Variants in POU2AF2 observed in about 807,000 individuals in gnomAD.
POU2AF2 encodes the protein POU class 2 homeobox associating factor 2, also known as POU domain class 2-associating factor 2.
chr11:111,271,238 G>A, the POU2AF2 span, among the ~76,000 whole-genome samples: 381 of 151,806 alleles, frequency 2.5e-3, 3 homozygotes, highest in African/African-American at 8.7e-3. Flanking sequence ...CAGGAGAATC[G>A]CTTGAACCCA....
At chr11:111,264,574 A>AG in the POU2AF2 span, among the ~76,000 whole-genome samples, 126 of 24,548 alleles carry the variant, frequency 5.1e-3, 20 homozygotes, top group African/African-American at 0.024. Flanking sequence ...GAAAGAAAGA[A>AG]AGGGAGAGAG....
the POU2AF2 span, among the ~76,000 whole-genome samples, chr11:111,247,595 G>C: frequency 6.6e-6 from 1 of 152,064 alleles, no homozygotes; most frequent in South Asian, 2.1e-4. Context: ...AAACCATCCT[G>C]GCCAACATGG....
chr11:111,276,322 G>A, the POU2AF2 span, among the ~76,000 whole-genome samples: 1 of 151,202 alleles, frequency 6.6e-6, no homozygotes, highest in African/African-American at 2.4e-5. Context: ...TACTGGCCGG[G>A]CGCGGTGGCT....
chr11:111,261,237 G>A, the POU2AF2 span, among the ~76,000 whole-genome samples: 10 of 147,564 alleles, frequency 6.8e-5, no homozygotes, highest in South Asian at 2.2e-4. Flanking sequence ...AATGTGAGCC[G>A]TTCACCACCA....
At chr11:111,266,350 C>G in the POU2AF2 span, among the ~76,000 whole-genome samples, 1 of 152,146 alleles carries the variant, frequency 6.6e-6, no homozygotes, top group Non-Finnish European at 1.5e-5. Context: ...CAGAACGTGT[C>G]CCACCCACTG....
the POU2AF2 span, among the ~76,000 whole-genome samples, chr11:111,271,462 C>A: frequency 6.6e-6 from 1 of 152,020 alleles, no homozygotes; most frequent in Non-Finnish European, 1.5e-5. Context: ...CACTCTGTTA[C>A]CCAGGCTGGA....
the POU2AF2 span, chr11:111,285,519 C>A: frequency 1.2e-6 from 1 of 845,764 alleles, no homozygotes. Flanking sequence ...GAGAGAAGAG[C>A]AGCCTGAGAG....
At chr11:111,275,265 A>C in the POU2AF2 span, among the ~76,000 whole-genome samples, 2 of 152,224 alleles carry the variant, frequency 1.3e-5, no homozygotes, top group Non-Finnish European at 2.9e-5. Context: ...TACAAATTTT[A>C]GTGAGTTGTT....
chr11:111,281,400 C>T, the POU2AF2 span: 17 of 1,611,390 alleles, frequency 1.1e-5, no homozygotes, highest in Non-Finnish European at 1.4e-5. Context: ...CCTTCCAGGG[C>T]AGCGTCAGTT....
the POU2AF2 span, among the ~76,000 whole-genome samples, chr11:111,250,873 G>A: frequency 6.6e-6 from 1 of 152,164 alleles, no homozygotes; most frequent in East Asian, 1.9e-4. Flanking sequence ...AGTATTCTTG[G>A]GGCACTTCAG....
the POU2AF2 span, among the ~76,000 whole-genome samples, chr11:111,259,057 C>A: frequency 2.0e-5 from 3 of 151,984 alleles, no homozygotes. Context: ...GCAACCAAGC[C>A]CTAGACTGAA....
At chr11:111,283,351 C>A in the POU2AF2 span, among the ~76,000 whole-genome samples, 1 of 152,004 alleles carries the variant, frequency 6.6e-6, no homozygotes, top group East Asian at 1.9e-4. Context: ...GCCTGCACCA[C>A]CAAGGGAAAC....
the POU2AF2 span, among the ~76,000 whole-genome samples, chr11:111,285,302 C>G: frequency 2.6e-5 from 4 of 152,188 alleles, no homozygotes; most frequent in Non-Finnish European, 4.4e-5. Flanking sequence ...AAATGGCATT[C>G]TAGGACCCAG....
At chr11:111,262,190 G>A in the POU2AF2 span, among the ~76,000 whole-genome samples, 1 of 152,160 alleles carries the variant, frequency 6.6e-6, no homozygotes, top group Non-Finnish European at 1.5e-5. Context: ...TATTTTGGAG[G>A]GTTAATATTA....
the POU2AF2 span, among the ~76,000 whole-genome samples, chr11:111,254,487 T>G: frequency 2.0e-5 from 3 of 152,210 alleles, no homozygotes; most frequent in Admixed American, 6.5e-5. Flanking sequence ...TATATCCTAT[T>G]TTTGCCTTCT....
chr11:111,249,841 A>G, the POU2AF2 span, among the ~76,000 whole-genome samples: 6 of 152,096 alleles, frequency 3.9e-5, no homozygotes, highest in African/African-American at 1.4e-4. Flanking sequence ...TACCGCTTGA[A>G]GTCCTTCTCC....
the POU2AF2 span, among the ~76,000 whole-genome samples, chr11:111,251,590 T>A: frequency 2.2e-4 from 34 of 152,340 alleles, no homozygotes; most frequent in Non-Finnish European, 1.5e-5. Context: ...CCTGTCTCTT[T>A]GTTCTTGCTC....
chr11:111,286,279 C>G, the POU2AF2 span: 1 of 502,218 alleles, frequency 2.0e-6, no homozygotes, highest in South Asian at 3.1e-5. Context: ...AGTAAGATAA[C>G]CTTACAATGT....
chr11:111,277,437 T>C, the POU2AF2 span, among the ~76,000 whole-genome samples: 3 of 152,204 alleles, frequency 2.0e-5, no homozygotes, highest in Non-Finnish European at 4.4e-5. Flanking sequence ...ATGCTGGAGA[T>C]TGCTGGCAGT....
Sources: gnomAD v4.1 joint callset for allele counts (sites outside exome capture counted in the v4.1 genomes callset) on GRCh38, gnomAD v4.1.1 for gene constraint, MANE v1.5 for transcripts, NCBI Gene and HGNC (gene_info 2026-07-23, HGNC 2026-07-21) for gene names.